Variants in SRGAP3 observed in about 807,000 individuals in gnomAD.
SRGAP3 encodes the protein SLIT-ROBO Rho GTPase activating protein 3.
In SRGAP3, 39 loss-of-function variants were observed where a neutral mutation model predicts 121.1. The ratio of observed to expected loss-of-function variants is 0.32; its 90% CI spans 0.25 to 0.42. The LOEUF (loss-of-function observed/expected upper bound fraction) is 0.42, where lower values mean the gene tolerates loss of function less well. SRGAP3 is among the 10% of genes least tolerant of loss of function. The pLI, the probability that SRGAP3 is intolerant of heterozygous loss-of-function variation, is 1.00. For synonymous variants in SRGAP3, 601 were observed against 570.0 expected (o/e 1.05, Z -0.77); for missense variants, 1,213 against 1,470.6 (o/e 0.82, Z 2.86).
intron 4 of SRGAP3, among the ~76,000 whole-genome samples, chr3:9,074,220 G>A (rs963502207): frequency 2.6e-5 from 4 of 152,182 alleles, no homozygotes; most frequent in African/African-American, 9.7e-5. Context: ...GGAGAAGAAA[G>A]ATTCCAAACT....
At chr3:8,993,729 C>T (rs73138103) in intron 19 of SRGAP3, among the ~76,000 whole-genome samples, 3,194 of 152,258 alleles carry the variant, frequency 0.021, 104 homozygotes, top group African/African-American at 0.071. Context: ...ATCCCCTTCC[C>T]TTGAGGCTCA....
chr3:9,029,022 G>A (rs1944347769), intron 12 of SRGAP3, among the ~76,000 whole-genome samples: 2 of 152,196 alleles, frequency 1.3e-5, no homozygotes, highest in African/African-American at 4.8e-5. Flanking sequence ...CCTGGAGGAT[G>A]TGTGCCTTCT....
chr3:9,142,366 A>C (rs992717224), intron 1 of SRGAP3, among the ~76,000 whole-genome samples: 2 of 152,222 alleles, frequency 1.3e-5, no homozygotes, highest in Non-Finnish European at 2.9e-5. Context: ...CCAAACATGA[A>C]AAAGCTTATA....
At chr3:9,019,396 T>C (rs2125050417) in intron 14 of SRGAP3, among the ~76,000 whole-genome samples, 1 of 152,352 alleles carries the variant, frequency 6.6e-6, no homozygotes, top group Non-Finnish European at 1.5e-5. Flanking sequence ...TTTTTGCCAG[T>C]TGGACAAGGG....
At chr3:9,056,105 G>A (rs1945806491) in intron 8 of SRGAP3, 128 bp downstream of exon 8, 1 of 801,454 alleles carries the variant, frequency 1.2e-6, no homozygotes, top group African/African-American at 1.7e-5. Flanking sequence ...TGGTTTTAAT[G>A]ATCGTGTACT....
chr3:9,222,777 C>CATAGCA (rs1952856892), intron 1 of SRGAP3, among the ~76,000 whole-genome samples: 1 of 152,220 alleles, frequency 6.6e-6, no homozygotes, highest in East Asian at 1.9e-4. Flanking sequence ...ATGCATATCA[C>CATAGCA]TGTGATTCTA....
In SRGAP3 at chr3:9,109,707, C is replaced by T. The variant is rs545480149; in HGVS notation, c.261-4865G>A. Among the ~76,000 whole-genome samples, 5 of 152,244 alleles carry T rather than the reference C, an allele frequency of 3.3e-5. No homozygotes were observed. In the South Asian group the frequency reaches 8.3e-4, roughly 25 times the overall value. On this transcript the variant is annotated intron_variant, in intron 2 of 21. Coordinates refer to ENST00000383836, the MANE Select transcript of SRGAP3 (RefSeq NM_014850.4). The surrounding 1 kb of genome is among the most constrained non-coding windows in gnomAD (Gnocchi z 4.4). ...AAGGAGGCTATGGAGCAGAGAGGAGCCTCCTTCCCCAGATCTGGTGGTGAG... is the reference window on the plus strand; with the variant it reads ...AAGGAGGCTATGGAGCAGAGAGGAGTCTCCTTCCCCAGATCTGGTGGTGAG...
chr3:9,124,910 G>A lies in SRGAP3; in HGVS notation c.75C>T (p.Arg25=), dbSNP rs768429903. 6.2e-7 allele frequency: 1 copy of A among 1,614,082 alleles called. No individual in the cohort carries two copies. The highest frequency in any genetic ancestry group is 8.5e-7 in the Non-Finnish European group (1 of 1,180,032). The part of the protein sequence containing the change: ...AEYEAQIKEI[R]TQLVEQFKCL... Reference sequence around the variant, plus strand: ...ATTTGAACTGCTCCACCAGCTGCGTGCGGATCTCTGCGGGCACACAAGGGT... The same window carrying A: ...ATTTGAACTGCTCCACCAGCTGCGTACGGATCTCTGCGGGCACACAAGGGT... The change falls in exon 2 of 22, where the codon CGC becomes CGT. Residue 25 remains arginine (R), a synonymous_variant. Transcript: ENST00000383836.
At chr3:9,277,011 C>T (rs896830806) in intron 3 of SRGAP3, among the ~76,000 whole-genome samples, 4 of 152,198 alleles carry the variant, frequency 2.6e-5, no homozygotes, top group Admixed American at 6.5e-5. Flanking sequence ...AGAAATGTGG[C>T]CTTGGGCAAG....
At chr3:9,269,648 A>C (rs1386206207) in intron 3 of SRGAP3, among the ~76,000 whole-genome samples, 1 of 152,224 alleles carries the variant, frequency 6.6e-6, no homozygotes, top group East Asian at 1.9e-4. Flanking sequence ...TGTGGGGATG[A>C]GAGGGAGTAA....
chr3:8,991,166 T>C, intron 20 of SRGAP3, among the ~76,000 whole-genome samples: 1 of 152,306 alleles, frequency 6.6e-6, no homozygotes, highest in Admixed American at 6.5e-5. Flanking sequence ...GGAAACGCTT[T>C]GGTGATGGTT....
At chr3:9,005,131 G>T (rs1336159630) in intron 18 of SRGAP3, among the ~76,000 whole-genome samples, 1 of 152,094 alleles carries the variant, frequency 6.6e-6, no homozygotes, top group African/African-American at 2.4e-5. Context: ...ATGGGCAAAG[G>T]ATCTGAAGAA....
rs114767220 is a variant in SRGAP3 at position 9,165,130 on chromosome 3, G to C, written c.68-40213C>G. Among the ~76,000 whole-genome samples, 661 of 152,386 alleles carry C rather than the reference G, an allele frequency of 4.3e-3. 4 individuals carry two copies. The highest frequency in any genetic ancestry group is 0.014 in the African/African-American group (584 of 41,600). On this transcript the variant is annotated intron_variant, in intron 1 of 21. Coordinates refer to ENST00000383836, the MANE Select transcript of SRGAP3 (RefSeq NM_014850.4). The stretch of plus-strand genomic sequence containing the variant: ...GCCCCAGGGCCTGGGTCTGCTGGCA[G>C]TCTCCAGTGCCACATTCAGAGGAAA...
At chr3:9,054,119 A>C (rs1945710078) in intron 8 of SRGAP3, among the ~76,000 whole-genome samples, 1 of 152,170 alleles carries the variant, frequency 6.6e-6, no homozygotes, top group Non-Finnish European at 1.5e-5. Flanking sequence ...GTGTTTCATA[A>C]ATGAAAAATA....
rs199621758 is a variant in SRGAP3, at chr3:9,117,981, T to A, written c.260+6744A>T. Reference sequence around the variant, plus strand: ...CAAAAAAATAATTCATTTTTTTTTTTAAATTTCAGATGTGGTGGCATGTAC... The same window carrying A: ...CAAAAAAATAATTCATTTTTTTTTTAAAATTTCAGATGTGGTGGCATGTAC... On this transcript the variant is annotated intron_variant, in intron 2 of 21. Transcript: ENST00000383836. Among the ~76,000 whole-genome samples the A allele has an allele frequency of 6.7e-4, 102 of 152,042 alleles. 1 individual carries two copies. The highest frequency in any genetic ancestry group is 3.3e-3 in the East Asian group (17 of 5,170).
At chr3:9,161,390 T>C (rs1950593921) in intron 1 of SRGAP3, among the ~76,000 whole-genome samples, 1 of 152,256 alleles carries the variant, frequency 6.6e-6, no homozygotes, top group Non-Finnish European at 1.5e-5. Flanking sequence ...TCCTGGTTCC[T>C]GGGTGCTGTG....
Position 9,179,394 on chromosome 3 carries a change from A to AT in SRGAP3, c.68-54478dup, listed in dbSNP as rs369088567. On this transcript the variant is annotated intron_variant, in intron 1 of 21. Coordinates refer to ENST00000383836, the MANE Select transcript of SRGAP3 (RefSeq NM_014850.4). ...AGTTACTTATCCTTGCTGAGTCTCC[A>AT]TTTTTTTCATCTGGAAAGTAGAGGT... Among the ~76,000 whole-genome samples, 3 of 152,084 alleles carry AT rather than the reference A, an allele frequency of 2.0e-5. No individual in the cohort carries two copies. In the South Asian group the frequency reaches 6.2e-4, roughly 32 times the overall value.
At chr3:9,159,456 T>G (rs1950532658) in intron 1 of SRGAP3, among the ~76,000 whole-genome samples, 1 of 152,168 alleles carries the variant, frequency 6.6e-6, no homozygotes, top group Non-Finnish European at 1.5e-5. Context: ...TGTCTTTCAC[T>G]TAACAAATAA....
At chr3:9,304,913 C>T (rs1326700048) in intron 3 of SRGAP3, among the ~76,000 whole-genome samples, 1 of 152,190 alleles carries the variant, frequency 6.6e-6, no homozygotes, top group Non-Finnish European at 1.5e-5. Context: ...AATAATATCA[C>T]TAAGCTCCTC....
Sources: allele counts gnomAD v4.1 joint callset (sites outside exome capture counted in the v4.1 genomes callset), GRCh38; gene constraint gnomAD v4.1.1; non-coding constraint Gnocchi (gnomAD v3.1); transcripts MANE v1.5; gene names NCBI Gene and HGNC (gene_info 2026-07-23, HGNC 2026-07-21).